Variants in RGS6 observed in about 807,000 individuals in gnomAD.
RGS6 encodes the protein regulator of G protein signaling 6, also known as regulator of G-protein signaling 6.
Under a neutral mutation model 78.5 loss-of-function variants are expected in RGS6, and 30 were observed. The observed-to-expected ratio is 0.38, with a 90% CI of 0.29 to 0.52. RGS6 has a LOEUF of 0.52. Ranked by LOEUF, RGS6 falls within the 20% of genes least tolerant of loss-of-function variation. The pLI, the probability that RGS6 is intolerant of heterozygous loss-of-function variation, is 0.85. For missense variants in RGS6, 495 were observed against 609.7 expected, an observed-to-expected ratio of 0.81 and a Z score of 1.98; for synonymous variants, 206 against 206.0, an observed-to-expected ratio of 1.00 and a Z score of 0.00.
At chr14:72,187,434 A>C (rs903087837) in intron 2 of RGS6, among the ~76,000 whole-genome samples, 2 of 152,250 alleles carry the variant, frequency 1.3e-5, no homozygotes, top group Admixed American at 6.5e-5. Flanking sequence ...TAGCTCTGCC[A>C]TAAGAAGATG....
At chr14:72,077,799 C>T (rs762993596) in intron 2 of RGS6, among the ~76,000 whole-genome samples, 24 of 152,184 alleles carry the variant, frequency 1.6e-4, no homozygotes, top group Non-Finnish European at 2.5e-4. Context: ...TCAAGAAAAC[C>T]CCTAGGGGTA....
chr14:72,506,984 T>TAAAA (rs71109738), intron 13 of RGS6, among the ~76,000 whole-genome samples: 3,908 of 54,100 alleles, frequency 0.072, 730 homozygotes, highest in Non-Finnish European at 0.1. Context: ...CTGTCTCTAC[T>TAAAA]AAAAAAAAAA....
At chr14:72,035,331 TATA>T (rs2091533974) in intron 2 of RGS6, among the ~76,000 whole-genome samples, 1 of 149,354 alleles carries the variant, frequency 6.7e-6, no homozygotes, top group Non-Finnish European at 1.5e-5. Flanking sequence ...GGACATCAGG[TATA>T]ATATCTCCTC....
chr14:72,246,946 G>A (rs1353539571), intron 2 of RGS6, among the ~76,000 whole-genome samples: 1 of 151,868 alleles, frequency 6.6e-6, no homozygotes, highest in Non-Finnish European at 1.5e-5. Flanking sequence ...ATTTTGTTGT[G>A]TAGAGGAGGA....
At chr14:71,900,448 T>A in the RGS6 span, among the ~76,000 whole-genome samples, 1 of 152,206 alleles carries the variant, frequency 6.6e-6, no homozygotes, top group Non-Finnish European at 1.5e-5. Context: ...TGAAATCAAT[T>A]CATCTTGTTT....
At chr14:71,986,524 G>A (rs1347004644) in intron 2 of RGS6, among the ~76,000 whole-genome samples, 1 of 151,572 alleles carries the variant, frequency 6.6e-6, no homozygotes. Context: ...AACATGATGA[G>A]ACCCCATCTC....
chr14:71,922,587 C>G, the RGS6 span, among the ~76,000 whole-genome samples: 1 of 148,160 alleles, frequency 6.7e-6, no homozygotes, highest in Non-Finnish European at 1.5e-5. Flanking sequence ...AGGTACAATA[C>G]AGTTAACTAA....
intron 3 of RGS6, among the ~76,000 whole-genome samples, chr14:72,362,728 G>A (rs138394077): frequency 2.4e-3 from 367 of 152,320 alleles, no homozygotes; most frequent in Middle Eastern, 6.8e-3. Flanking sequence ...GCCACGTCAC[G>A]TTCTTCAAGG....
intron 3 of RGS6, among the ~76,000 whole-genome samples, chr14:72,420,492 T>C (rs984607569): frequency 6.6e-6 from 1 of 152,256 alleles, no homozygotes; most frequent in Non-Finnish European, 1.5e-5. Flanking sequence ...TTGTGAGGTC[T>C]GGTATAGTAT....
At chr14:72,014,644 A>G (rs1258051865) in intron 2 of RGS6, among the ~76,000 whole-genome samples, 2 of 152,196 alleles carry the variant, frequency 1.3e-5, no homozygotes, top group Admixed American at 1.3e-4. Flanking sequence ...ATAATGTTTG[A>G]AATGATGAAA....
At chr14:72,200,984 AAAAG>A (rs1177213562) in intron 2 of RGS6, among the ~76,000 whole-genome samples, 16 of 150,346 alleles carry the variant, frequency 1.1e-4, no homozygotes, top group Middle Eastern at 3.4e-3. Flanking sequence ...AAAAAAAAAA[AAAAG>A]AAGAAGAAAA....
intron 15 of RGS6, among the ~76,000 whole-genome samples, chr14:72,534,169 T>G (rs1276814342): frequency 6.6e-6 from 1 of 152,220 alleles, no homozygotes; most frequent in African/African-American, 2.4e-5. Flanking sequence ...TATCCAACAA[T>G]GTCAAGACAA....
chr14:72,358,409 A>G (rs1055386809), intron 3 of RGS6, among the ~76,000 whole-genome samples: 6 of 152,264 alleles, frequency 3.9e-5, no homozygotes, highest in African/African-American at 9.6e-5. Flanking sequence ...CCAGCTGTGC[A>G]AGCAGCCAGG....
At chr14:72,498,925 C>T (rs8004157) in intron 13 of RGS6, among the ~76,000 whole-genome samples, 9,882 of 152,112 alleles carry the variant, frequency 0.065, 1,007 homozygotes, top group African/African-American at 0.23. Flanking sequence ...CCAAGGTTCC[C>T]CTCTGGGTCC....
chr14:72,290,896 C>T (rs1160487696), intron 2 of RGS6, among the ~76,000 whole-genome samples: 1 of 152,142 alleles, frequency 6.6e-6, no homozygotes, highest in East Asian at 1.9e-4. Context: ...CTTTGAAATG[C>T]AGGTTCTTTC....
chr14:72,000,029 A>C (rs866872332), intron 2 of RGS6, among the ~76,000 whole-genome samples: 10 of 152,346 alleles, frequency 6.6e-5, no homozygotes, highest in African/African-American at 2.2e-4. Flanking sequence ...GTGTTAGTGG[A>C]GATAAGACTG....
At chr14:72,358,263 A>G (rs1019050860) in intron 3 of RGS6, among the ~76,000 whole-genome samples, 3 of 152,186 alleles carry the variant, frequency 2.0e-5, no homozygotes, top group African/African-American at 4.8e-5. Flanking sequence ...GTGGGGTTGG[A>G]GTCCCCACAC....
intron 3 of RGS6, among the ~76,000 whole-genome samples, chr14:72,370,444 A>G: frequency 6.6e-6 from 1 of 152,096 alleles, no homozygotes; most frequent in East Asian, 1.9e-4. Context: ...ATTAGGTTTT[A>G]CCATGGTCAG....
chr14:72,548,332 TGTGTGTGTGTGCGCGC>T (rs535886091), intron 17 of RGS6, among the ~76,000 whole-genome samples: 11 of 133,260 alleles, frequency 8.3e-5, no homozygotes, highest in East Asian at 5.1e-4. Context: ...CATATTTGTG[TGTGTGTGTGTGCGCGC>T]GTGTGTGTGT....
Sources: allele counts gnomAD v4.1 joint callset (sites outside exome capture counted in the v4.1 genomes callset), GRCh38; gene constraint gnomAD v4.1.1; transcripts MANE v1.5; gene names NCBI Gene and HGNC (gene_info 2026-07-23, HGNC 2026-07-21).